The following NDUFA5 variants were observed in gnomAD, a reference collection of about 807,000 sequenced individuals.
NDUFA5 encodes the protein NADH:ubiquinone oxidoreductase subunit A5, also known as NADH dehydrogenase [ubiquinone] 1 alpha subcomplex subunit 5.
Under a neutral mutation model 19.8 loss-of-function variants are expected in NDUFA5, and 11 were observed. The ratio of observed to expected loss-of-function variants is 0.56; its 90% CI spans 0.35 to 0.92. The LOEUF (loss-of-function observed/expected upper bound fraction) is 0.92, where lower values mean the gene tolerates loss of function less well. Among genes scored for constraint, NDUFA5 ranks in the 40% least tolerant of loss-of-function variants. The pLI is 0.01. For missense variants in NDUFA5, 109 were observed against 134.2 expected (o/e 0.81, Z 0.93); for synonymous variants, 47 against 46.8 (o/e 1.00, Z -0.01).
chr7:123,553,385 G>A (rs988750971), intron 2 of NDUFA5, among the ~76,000 whole-genome samples: 3 of 152,166 alleles, frequency 2.0e-5, no homozygotes. Context: ...CAGATCTCAC[G>A]AGACTTCTTC....
In NDUFA5 at chr7:123,540,890, G is replaced by GCGCA. The variant is rs766305834; in HGVS notation, c.*1228_*1229insTGCG. On this transcript the variant is annotated 3_prime_UTR_variant, in exon 5 of 5. Transcript: ENST00000355749. ...TCTGAGCAAATGTGCGCATGCGCGT[G>GCGCA]CACACACACACACACACACACACAC... 38 of 133,906 alleles carry GCGCA rather than the reference G, an allele frequency of 2.8e-4. No individual in the cohort carries two copies. Among genetic ancestry groups the GCGCA allele is most frequent in the South Asian group, 1.5e-3 (6 of 4,072 alleles). 8.3% of individuals were successfully genotyped at this position (133,906 alleles called of 1,614,324 possible). A position where few individuals can be genotyped will look rare whatever the true frequency, so the allele number is the denominator to read the frequency against.
chr7:123,538,514 ATTG>A lies in NDUFA5; in HGVS notation c.*3602_*3604del, dbSNP rs1354196614. ...TTTCTCTAAAACAATTGGCATTACT[ATTG>A]TTGTAGCATAGGCTACAATCTCACT... On this transcript the variant is annotated 3_prime_UTR_variant, in exon 5 of 5. Coordinates refer to ENST00000355749, the MANE Select transcript of NDUFA5 (RefSeq NM_005000.5). 11 of 152,176 alleles carry A rather than the reference ATTG, an allele frequency of 7.2e-5. No individual in the cohort carries two copies. The highest frequency in any genetic ancestry group is 2.7e-4 in the African/African-American group (11 of 41,440). The allele number at this position is 152,176 out of a possible 1,614,324, so 9.4% of individuals were successfully genotyped here. A position where few individuals can be genotyped will look rare whatever the true frequency, so the allele number is the denominator to read the frequency against.
chr7:123,574,516 G>A, the NDUFA5 span, among the ~76,000 whole-genome samples: 1 of 152,126 alleles, frequency 6.6e-6, no homozygotes, highest in Admixed American at 6.6e-5. Flanking sequence ...ATAGTGGGCT[G>A]TGAACCACAC....
At chr7:123,571,052 G>A in the NDUFA5 span, among the ~76,000 whole-genome samples, 3 of 152,128 alleles carry the variant, frequency 2.0e-5, no homozygotes, top group African/African-American at 7.2e-5. Context: ...TCAAGTCTGC[G>A]TTCCAGGTCA....
the NDUFA5 span, among the ~76,000 whole-genome samples, chr7:123,585,248 T>C: frequency 7.2e-5 from 11 of 151,742 alleles, no homozygotes; most frequent in African/African-American, 2.4e-4. Context: ...TTTCTGAAAA[T>C]TGAAAAATTT....
chr7:123,570,781 G>C, the NDUFA5 span, among the ~76,000 whole-genome samples: 2 of 152,044 alleles, frequency 1.3e-5, no homozygotes, highest in African/African-American at 4.8e-5. Context: ...TTTGCTTCTT[G>C]AGCCCCATCC....
chr7:123,544,764 T>TAAAAAAA (rs61556029), intron 4 of NDUFA5, among the ~76,000 whole-genome samples: 21 of 61,814 alleles, frequency 3.4e-4, no homozygotes, highest in African/African-American at 8.0e-4. Flanking sequence ...ATGCAAATCT[T>TAAAAAAA]AAAAAAAAAA....
upstream of NDUFA5, among the ~76,000 whole-genome samples, chr7:123,558,697 A>T (rs1798643642): frequency 6.6e-6 from 1 of 152,198 alleles, no homozygotes; most frequent in African/African-American, 2.4e-5. Flanking sequence ...ATTTTATGTG[A>T]TTGGAAAGGT....
In NDUFA5 at chr7:123,540,890, GCACACACA is replaced by G. The variant is rs56974030; in HGVS notation, c.*1221_*1228del. The G allele has an allele frequency of 0.03, 4,067 of 133,878 alleles. 84 individuals carry two copies. The highest frequency in any genetic ancestry group is 0.044 in the South Asian group (180 of 4,068). The allele number at this position is 133,878 out of a possible 1,614,324, so 8.3% of individuals were successfully genotyped here. ...TCTGAGCAAATGTGCGCATGCGCGT[GCACACACA>G]CACACACACACACACACACACACAC... On this transcript the variant is annotated 3_prime_UTR_variant, in exon 5 of 5. Transcript: ENST00000355749.
upstream of NDUFA5, among the ~76,000 whole-genome samples, chr7:123,559,464 G>A (rs1039875698): frequency 6.6e-6 from 1 of 152,154 alleles, no homozygotes; most frequent in Non-Finnish European, 1.5e-5. Context: ...TATAAGGCAA[G>A]TATTACTCTG....
the NDUFA5 span, among the ~76,000 whole-genome samples, chr7:123,579,168 T>A: frequency 1.6e-4 from 25 of 152,126 alleles, no homozygotes; most frequent in African/African-American, 6.0e-4. Flanking sequence ...TTTATGTTTC[T>A]GTATTAATTC....
chr7:123,582,025 G>C, the NDUFA5 span, among the ~76,000 whole-genome samples: 2 of 152,000 alleles, frequency 1.3e-5, no homozygotes, highest in African/African-American at 4.8e-5. Context: ...TTTGTGAATA[G>C]AGAACATCTT....
rs761384850 is a variant in NDUFA5 at position 123,557,242 on chromosome 7, G to C, written c.66+162C>G. On this transcript the variant is annotated intron_variant, in intron 2 of 4. Transcript: ENST00000355749. ...AAAAATAAATAAAAATGTGACATCG[G>C]ATCAACGAAGTAGGTGGACAGCGCC... 14 of 949,732 alleles carry C rather than the reference G, an allele frequency of 1.5e-5. No individual in the cohort carries two copies. In the African/African-American group the frequency reaches 2.1e-4, roughly 14 times the overall value. The allele number at this position is 949,732 out of a possible 1,614,324, so 58.8% of individuals were successfully genotyped here.
the NDUFA5 span, among the ~76,000 whole-genome samples, chr7:123,563,396 G>C: frequency 6.6e-6 from 1 of 152,190 alleles, no homozygotes; most frequent in Non-Finnish European, 1.5e-5. Flanking sequence ...AGCAGAAGGA[G>C]AGAGATGGGG....
At chr7:123,580,469 T>C in the NDUFA5 span, among the ~76,000 whole-genome samples, 1 of 152,012 alleles carries the variant, frequency 6.6e-6, no homozygotes, top group African/African-American at 2.4e-5. Flanking sequence ...TTATGTGGCC[T>C]TAGGCAATTT....
the NDUFA5 span, among the ~76,000 whole-genome samples, chr7:123,567,798 T>C: frequency 3.7e-4 from 56 of 152,008 alleles, no homozygotes; most frequent in Non-Finnish European, 1.2e-4. Context: ...AACTATTATT[T>C]CCTCTCTCAA....
At chr7:123,559,733 G>T (rs774925695), upstream of NDUFA5, among the ~76,000 whole-genome samples, 8 of 151,798 alleles carry the variant, frequency 5.3e-5, no homozygotes, top group Non-Finnish European at 5.9e-5. Flanking sequence ...GTGTGTGCCT[G>T]TAATCTCAGC....
chr7:123,583,718 T>C, the NDUFA5 span, among the ~76,000 whole-genome samples: 1 of 151,966 alleles, frequency 6.6e-6, no homozygotes, highest in Non-Finnish European at 1.5e-5. Flanking sequence ...ATGGGTCTTC[T>C]GATCCTTAAG....
the NDUFA5 span, among the ~76,000 whole-genome samples, chr7:123,574,109 A>T: frequency 6.6e-6 from 1 of 152,128 alleles, no homozygotes; most frequent in East Asian, 1.9e-4. Context: ...TCCCCTTTGG[A>T]GTGCCACATT....
Sources: gnomAD v4.1 joint callset for allele counts (sites outside exome capture counted in the v4.1 genomes callset) on GRCh38, gnomAD v4.1.1 for gene constraint, MANE v1.5 for transcripts, NCBI Gene and HGNC (gene_info 2026-07-23, HGNC 2026-07-21) for gene names.